Variants in EPM2A observed in about 807,000 individuals in gnomAD.
EPM2A encodes laforin.
Under a neutral mutation model 26.5 loss-of-function variants are expected in EPM2A, and 21 were observed. The ratio of observed to expected loss-of-function variants is 0.79; its 90% confidence interval spans 0.56 to 1.14. EPM2A has a LOEUF of 1.14. Ranked by LOEUF, EPM2A falls within the 50% of genes most tolerant of loss-of-function variation. The pLI is 0.00. For synonymous variants in EPM2A, 217 were observed against 177.6 expected, an observed-to-expected ratio of 1.22 and a Z score of -1.76; for missense variants, 458 against 440.8, an observed-to-expected ratio of 1.04 and a Z score of -0.35.
intron 4 of EPM2A, among the ~76,000 whole-genome samples, chr6:145,401,060 A>G (rs1778478795): frequency 6.6e-6 from 1 of 152,192 alleles, no homozygotes; most frequent in Non-Finnish European, 1.5e-5. Context: ...TAAAGTTCTT[A>G]ATACAATATT....
chr6:145,578,510 C>T (rs1371932328), intron 2 of EPM2A, among the ~76,000 whole-genome samples: 2 of 152,084 alleles, frequency 1.3e-5, no homozygotes, highest in African/African-American at 4.8e-5. Flanking sequence ...AAAACCTGAA[C>T]AGACCAATAA....
At position 145,413,926 on chromosome 6, in the gene EPM2A, T is replaced by C. The variant is rs149272694; in HGVS notation, c.556-29829A>G. Among the ~76,000 whole-genome samples the C allele has an allele frequency of 1.3e-3, 193 of 152,298 alleles. No individual in the cohort carries two copies. In the Middle Eastern group the frequency reaches 0.017, roughly 13 times the overall value. On this transcript the variant is annotated intron_variant, in intron 4 of 4. Transcript: ENST00000638717. ...CTTCCAATTTTCCCCTCCTTGTACT[T>C]GGCCTCTTCCCCCTCTCCTTCTCTA...
chr6:145,502,111 G>A (rs190584942), intron 3 of EPM2A, among the ~76,000 whole-genome samples: 162 of 152,306 alleles, frequency 1.1e-3, no homozygotes, highest in Non-Finnish European at 7.5e-4. Context: ...AAAGGCATGA[G>A]CACAGGTAAA....
At chr6:145,720,896 C>T (rs1035283768) in intron 1 of EPM2A, 7 of 152,312 alleles carry the variant, frequency 4.6e-5, no homozygotes, top group Admixed American at 2.6e-4. Context: ...TGCAGTGGCT[C>T]ATACCTGTAA....
intron 2 of EPM2A, among the ~76,000 whole-genome samples, chr6:145,562,554 T>C (rs1301100675): frequency 1.3e-5 from 2 of 152,128 alleles, no homozygotes; most frequent in Non-Finnish European, 2.9e-5. Context: ...ATTTCTTTTC[T>C]AGAGCAAGTT....
At chr6:145,711,030 G>C (rs369827840) in intron 1 of EPM2A, among the ~76,000 whole-genome samples, 1 of 151,508 alleles carries the variant, frequency 6.6e-6, no homozygotes, top group South Asian at 2.1e-4. Context: ...TAAATGACGA[G>C]TTAATGGGTG....
At chr6:145,641,685 A>C (rs962388513) in intron 2 of EPM2A, among the ~76,000 whole-genome samples, 2 of 152,158 alleles carry the variant, frequency 1.3e-5, no homozygotes, top group African/African-American at 2.4e-5. Flanking sequence ...TCTTGCAAAT[A>C]CAACTAGCAT....
intron 4 of EPM2A, among the ~76,000 whole-genome samples, chr6:145,392,478 T>G (rs1473302946): frequency 9.9e-5 from 15 of 152,160 alleles, no homozygotes. Flanking sequence ...CTGCCATCTT[T>G]CACCCTTTCT....
At chr6:145,541,738 G>A (rs1177850451) in intron 2 of EPM2A, among the ~76,000 whole-genome samples, 1 of 151,950 alleles carries the variant, frequency 6.6e-6, no homozygotes, top group Non-Finnish European at 1.5e-5. Context: ...ATCCTCCAGA[G>A]GCAGATATGA....
intron 4 of EPM2A, among the ~76,000 whole-genome samples, chr6:145,420,525 T>C (rs901377546): frequency 2.0e-5 from 3 of 152,172 alleles, no homozygotes; most frequent in African/African-American, 7.2e-5. Context: ...AATGAGGTCA[T>C]TGAAATTTAA....
chr6:145,405,524 T>G (rs1328480464), intron 4 of EPM2A, among the ~76,000 whole-genome samples: 1 of 152,160 alleles, frequency 6.6e-6, no homozygotes, highest in African/African-American at 2.4e-5. Flanking sequence ...TGTTCCCTGA[T>G]AAAGCACTGT....
In EPM2A at chr6:145,433,744, T is replaced by C. The variant is rs187784371; in HGVS notation, c.556-49647A>G. ...TAAGAATACATTGAATAAAACAATA[T>C]TATTTGAAAACCTGCTAAATTCAAA... On this transcript the variant is annotated intron_variant, in intron 4 of 4. Transcript: ENST00000638717. 1.2e-4 allele frequency among the ~76,000 whole-genome samples: 19 copies of C among 152,300 alleles called. No individual in the cohort carries two copies. The East Asian group carries it at 3.5e-3, about 28-fold the overall frequency.
At chr6:145,690,382 C>T (rs539011512) in intron 1 of EPM2A, among the ~76,000 whole-genome samples, 130 of 151,314 alleles carry the variant, frequency 8.6e-4, no homozygotes, top group Admixed American at 1.3e-3. Context: ...CGGTGGCGGG[C>T]GCCTGTAGTC....
chr6:145,537,803 C>T (rs1413039447), intron 2 of EPM2A, among the ~76,000 whole-genome samples: 1 of 151,038 alleles, frequency 6.6e-6, no homozygotes, highest in Non-Finnish European at 1.5e-5. Flanking sequence ...CTCTTTCTGT[C>T]CATATGTTCT....
intron 4 of EPM2A, chr6:145,490,539 C>G (rs1280615876): frequency 1.4e-6 from 1 of 712,072 alleles, no homozygotes; most frequent in African/African-American, 1.7e-5. Context: ...CATAAACTTT[C>G]TTCCCAGTTC....
chr6:145,708,120 G>A (rs749781910), intron 1 of EPM2A, among the ~76,000 whole-genome samples: 5 of 152,216 alleles, frequency 3.3e-5, no homozygotes, highest in Admixed American at 6.5e-5. Context: ...TTGAACTTGA[G>A]AGATGATTTA....
At chr6:145,705,847 G>A (rs1408775216) in intron 1 of EPM2A, 1 of 456,310 alleles carries the variant, frequency 2.2e-6, no homozygotes, top group Non-Finnish European at 4.4e-6. Context: ...CTGGGGAGAG[G>A]ACATGGATAC....
chr6:145,437,105 G>C (rs1252781787), intron 4 of EPM2A, among the ~76,000 whole-genome samples: 5 of 152,116 alleles, frequency 3.3e-5, no homozygotes, highest in African/African-American at 1.2e-4. Flanking sequence ...GTTGAAGGTA[G>C]GGCCTGGTGG....
chr6:145,610,905 A>AAG (rs1775378819), intron 2 of EPM2A, among the ~76,000 whole-genome samples: 1 of 152,208 alleles, frequency 6.6e-6, no homozygotes, highest in African/African-American at 2.4e-5. Flanking sequence ...TCTGGAAGCA[A>AAG]CAGAAAATGG....
Sources: allele counts gnomAD v4.1 joint callset (sites outside exome capture counted in the v4.1 genomes callset), GRCh38; gene constraint gnomAD v4.1.1; transcripts MANE v1.5; gene names NCBI Gene and HGNC (gene_info 2026-07-23, HGNC 2026-07-21).